RBFOX1: variants seen among roughly 807,000 people sequenced by gnomAD.
RBFOX1 encodes the protein RNA binding protein fox-1 homolog 1.
In RBFOX1, 8 loss-of-function variants were observed where a neutral mutation model predicts 57.7. The ratio of observed to expected loss-of-function variants is 0.14; its 90% CI spans 0.08 to 0.25. The LOEUF is 0.25. Ranked by LOEUF, RBFOX1 falls within the 10% of genes least tolerant of loss-of-function variation. The pLI, the probability that RBFOX1 is intolerant of heterozygous loss-of-function variation, is 1.00. For missense variants in RBFOX1, 611 were observed against 548.5 expected (o/e 1.11, Z -1.14); for synonymous variants, 326 against 222.4 (o/e 1.47, Z -4.15).
intron 1 of RBFOX1, among the ~76,000 whole-genome samples, chr16:5,322,175 C>T (rs958771923): frequency 6.6e-6 from 1 of 152,212 alleles, no homozygotes; most frequent in African/African-American, 2.4e-5. Flanking sequence ...CAGAAAGCTA[C>T]TTGGGTTCCT....
At chr16:7,192,071 C>G (rs1460469740) in intron 4 of RBFOX1, among the ~76,000 whole-genome samples, 1 of 151,952 alleles carries the variant, frequency 6.6e-6, no homozygotes. Flanking sequence ...CTGTAGAATT[C>G]TACGAGCTGT....
intron 14 of RBFOX1, among the ~76,000 whole-genome samples, chr16:7,684,730 G>A (rs1049876627): frequency 6.6e-6 from 1 of 151,992 alleles, no homozygotes; most frequent in African/African-American, 2.4e-5. Flanking sequence ...AAGAGATGAA[G>A]AACTTGTTTT....
chr16:7,272,542 A>G (rs550710353), intron 4 of RBFOX1, among the ~76,000 whole-genome samples: 3 of 152,310 alleles, frequency 2.0e-5, no homozygotes, highest in East Asian at 1.9e-4. Flanking sequence ...TCATTCATTC[A>G]TCAAATATTT....
At chr16:5,974,388 C>T (rs1309935651) in intron 4 of RBFOX1, among the ~76,000 whole-genome samples, 1 of 152,066 alleles carries the variant, frequency 6.6e-6, no homozygotes, top group Non-Finnish European at 1.5e-5. Context: ...GCGGGTAGAT[C>T]ATTTGAGGTC....
chr16:7,067,449 T>G (rs2056339645), intron 4 of RBFOX1, among the ~76,000 whole-genome samples: 1 of 151,348 alleles, frequency 6.6e-6, no homozygotes, highest in African/African-American at 2.4e-5. Context: ...GAGAATCCTT[T>G]TTTTTTTTTT....
At chr16:7,016,565 T>C (rs1271016701) in intron 3 of RBFOX1, among the ~76,000 whole-genome samples, 1 of 152,148 alleles carries the variant, frequency 6.6e-6, no homozygotes. Context: ...GCATATATCA[T>C]CTCACGTAAT....
At chr16:6,699,822 T>G (rs763688284) in intron 3 of RBFOX1, among the ~76,000 whole-genome samples, 25 of 152,132 alleles carry the variant, frequency 1.6e-4, no homozygotes, top group Non-Finnish European at 2.8e-4. Context: ...TCATGATGGT[T>G]GTATGTAGAT....
chr16:7,518,071 G>C, intron 4 of RBFOX1, 76 bp from the exon 5 acceptor site: 1 of 1,524,420 alleles, frequency 6.6e-7, no homozygotes, highest in East Asian at 2.3e-5. Flanking sequence ...GATCGTCCTG[G>C]GATCTGGGAG....
At chr16:6,892,258 C>G (rs1255982851) in intron 3 of RBFOX1, among the ~76,000 whole-genome samples, 3 of 152,218 alleles carry the variant, frequency 2.0e-5, no homozygotes, top group East Asian at 3.9e-4. Flanking sequence ...GACAGTAACA[C>G]TTTGTAACGA....
At chr16:7,242,876 G>T (rs1053507942) in intron 4 of RBFOX1, among the ~76,000 whole-genome samples, 2 of 152,144 alleles carry the variant, frequency 1.3e-5, no homozygotes, top group African/African-American at 4.8e-5. Flanking sequence ...GGAGTCTGCG[G>T]ACAGTTTGCA....
At chr16:5,240,000 G>A in exon 1 of RBFOX1, 1 of 1,531,168 alleles carries the variant, frequency 6.5e-7, no homozygotes, top group South Asian at 1.2e-5. Context: ...TGCGGCTGGG[G>A]CTGGAGGGGG....
intron 3 of RBFOX1, among the ~76,000 whole-genome samples, chr16:6,745,444 A>G (rs772023002): frequency 6.6e-6 from 1 of 152,200 alleles, no homozygotes; most frequent in Non-Finnish European, 1.5e-5. Context: ...TGAAAAGGAT[A>G]CTATATCAAG....
intron 1 of RBFOX1, among the ~76,000 whole-genome samples, chr16:6,178,269 C>T (rs568006172): frequency 2.0e-4 from 28 of 142,018 alleles, no homozygotes; most frequent in Non-Finnish European, 3.2e-4. Context: ...TCACTGCAAC[C>T]TCTGTCTCCC....
chr16:6,460,276 C>A (rs969591808), intron 2 of RBFOX1, among the ~76,000 whole-genome samples: 2 of 151,924 alleles, frequency 1.3e-5, no homozygotes, highest in African/African-American at 4.8e-5. Flanking sequence ...GTGACTGTGT[C>A]CTAATCTCTT....
intron 3 of RBFOX1, among the ~76,000 whole-genome samples, chr16:5,646,573 G>A (rs779733073): frequency 6.6e-6 from 1 of 152,148 alleles, no homozygotes; most frequent in Non-Finnish European, 1.5e-5. Context: ...TCAGAGGGTC[G>A]CAGTGTGCAG....
At chr16:5,716,144 G>C (rs1022872560) in intron 3 of RBFOX1, among the ~76,000 whole-genome samples, 2 of 152,118 alleles carry the variant, frequency 1.3e-5, no homozygotes, top group Non-Finnish European at 2.9e-5. Flanking sequence ...TAAATTTCAC[G>C]TAAACCTTTG....
chr16:6,166,036 G>A (rs912775896), intron 1 of RBFOX1, among the ~76,000 whole-genome samples: 1 of 152,188 alleles, frequency 6.6e-6, no homozygotes, highest in Non-Finnish European at 1.5e-5. Context: ...CAGTGGAGTG[G>A]AAAGTATTCC....
intron 1 of RBFOX1, among the ~76,000 whole-genome samples, chr16:5,405,931 C>T (rs191614613): frequency 4.1e-4 from 62 of 152,176 alleles, no homozygotes; most frequent in Admixed American, 2.1e-3. Context: ...GTAGGGAGAA[C>T]GCTCTGGGGA....
intron 4 of RBFOX1, among the ~76,000 whole-genome samples, chr16:5,925,177 C>T (rs757853311): frequency 3.9e-5 from 6 of 152,180 alleles, no homozygotes; most frequent in Non-Finnish European, 7.3e-5. Context: ...AAGGTCCCTG[C>T]ACCTGAGCCC....
Sources: gnomAD v4.1 joint callset for allele counts (sites outside exome capture counted in the v4.1 genomes callset) on GRCh38, gnomAD v4.1.1 for gene constraint, MANE v1.5 for transcripts, NCBI Gene and HGNC (gene_info 2026-07-23, HGNC 2026-07-21) for gene names.